POFUT3: variants seen among roughly 807,000 people sequenced by gnomAD.
POFUT3 encodes GDP-fucose protein O-fucosyltransferase 3.
chr8:33,433,798 C>A, the POFUT3 span, among the ~76,000 whole-genome samples: 8 of 148,968 alleles, frequency 5.4e-5, no homozygotes, highest in South Asian at 2.1e-4. Context: ...AAAAAAAAAA[C>A]AAAAAACTAA....
the POFUT3 span, among the ~76,000 whole-genome samples, chr8:33,400,234 C>A: frequency 6.6e-6 from 1 of 151,046 alleles, no homozygotes; most frequent in Non-Finnish European, 1.5e-5. Context: ...GGCAGATCAC[C>A]TGAGGCCAGG....
chr8:33,385,857 T>C, the POFUT3 span, among the ~76,000 whole-genome samples: 1 of 151,914 alleles, frequency 6.6e-6, no homozygotes, highest in African/African-American at 2.4e-5. Flanking sequence ...TACTTTACGT[T>C]GTGCCATATA....
chr8:33,418,845 C>T, the POFUT3 span, among the ~76,000 whole-genome samples: 1 of 152,056 alleles, frequency 6.6e-6, no homozygotes, highest in South Asian at 2.1e-4. Context: ...AATGGATGAC[C>T]AGATAAAGCA....
chr8:33,320,979 A>G, the POFUT3 span, among the ~76,000 whole-genome samples: 2 of 152,184 alleles, frequency 1.3e-5, no homozygotes, highest in African/African-American at 4.8e-5. Context: ...TTGGAACGCC[A>G]TTTTTAGACG....
the POFUT3 span, among the ~76,000 whole-genome samples, chr8:33,353,630 T>C: frequency 1.3e-5 from 2 of 152,092 alleles, no homozygotes; most frequent in Middle Eastern, 3.2e-3. Context: ...TGTGAGGACA[T>C]GGGGAATGTG....
At chr8:33,318,838 TTATATA>T in the POFUT3 span, among the ~76,000 whole-genome samples, 1 of 57,818 alleles carries the variant, frequency 1.7e-5, no homozygotes, top group South Asian at 9.8e-4. Context: ...TTATATATAT[TTATATA>T]ATATATAAAT....
the POFUT3 span, among the ~76,000 whole-genome samples, chr8:33,326,574 T>C: frequency 1.2e-4 from 18 of 152,286 alleles, no homozygotes; most frequent in Middle Eastern, 0.01. Flanking sequence ...GCTCAGGAGC[T>C]CGGGGTATTT....
At chr8:33,374,334 C>A in the POFUT3 span, among the ~76,000 whole-genome samples, 3 of 152,138 alleles carry the variant, frequency 2.0e-5, no homozygotes. Context: ...TCCCCATAAT[C>A]CATAACCCAA....
the POFUT3 span, among the ~76,000 whole-genome samples, chr8:33,431,966 G>A: frequency 6.6e-6 from 1 of 152,094 alleles, no homozygotes; most frequent in Non-Finnish European, 1.5e-5. Context: ...TATCTCCTGG[G>A]AAGCTTCATA....
the POFUT3 span, among the ~76,000 whole-genome samples, chr8:33,418,233 C>G: frequency 6.6e-6 from 1 of 152,172 alleles, no homozygotes. Flanking sequence ...AATGATCCCA[C>G]TGGCCCCACA....
the POFUT3 span, among the ~76,000 whole-genome samples, chr8:33,412,410 G>A: frequency 6.6e-6 from 1 of 152,140 alleles, no homozygotes; most frequent in Non-Finnish European, 1.5e-5. Context: ...CGCCACCAAG[G>A]AGGCAAGATC....
At chr8:33,333,727 A>G in the POFUT3 span, among the ~76,000 whole-genome samples, 1 of 152,158 alleles carries the variant, frequency 6.6e-6, no homozygotes, top group Non-Finnish European at 1.5e-5. Context: ...AAGCAAGATG[A>G]CACTGGACCC....
At chr8:33,328,349 C>CT in the POFUT3 span, among the ~76,000 whole-genome samples, 1 of 151,526 alleles carries the variant, frequency 6.6e-6, no homozygotes, top group Non-Finnish European at 1.5e-5. Context: ...TTTACTCCTG[C>CT]TTTTTCTGTA....
At chr8:33,332,459 T>G in the POFUT3 span, among the ~76,000 whole-genome samples, 6 of 129,380 alleles carry the variant, frequency 4.6e-5, no homozygotes, top group Non-Finnish European at 1.6e-5. Flanking sequence ...CAGTCAAGCC[T>G]GGGCAACAGA....
the POFUT3 span, among the ~76,000 whole-genome samples, chr8:33,446,397 C>T: frequency 6.7e-6 from 1 of 148,578 alleles, no homozygotes; most frequent in Non-Finnish European, 1.5e-5. Context: ...GCAGCAGTTG[C>T]AATGAGTCGA....
At chr8:33,352,497 A>G in the POFUT3 span, among the ~76,000 whole-genome samples, 1 of 151,620 alleles carries the variant, frequency 6.6e-6, no homozygotes, top group Non-Finnish European at 1.5e-5. Flanking sequence ...TATCAAGCCA[A>G]GTATCCCATT....
the POFUT3 span, among the ~76,000 whole-genome samples, chr8:33,359,533 G>GTCT: frequency 1.4e-4 from 21 of 152,204 alleles, no homozygotes; most frequent in African/African-American, 5.1e-4. Context: ...GTTCCAGCTA[G>GTCT]AGTTCAGATC....
the POFUT3 span, among the ~76,000 whole-genome samples, chr8:33,415,575 C>A: frequency 6.6e-6 from 1 of 152,228 alleles, no homozygotes; most frequent in East Asian, 1.9e-4. Context: ...CAATACACTC[C>A]CAGCCAGGTG....
At chr8:33,349,732 T>G in the POFUT3 span, among the ~76,000 whole-genome samples, 1 of 152,256 alleles carries the variant, frequency 6.6e-6, no homozygotes, top group African/African-American at 2.4e-5. Flanking sequence ...TGAATTGTTC[T>G]GCCATAAACA....
Sources: allele counts gnomAD v4.1 joint callset (sites outside exome capture counted in the v4.1 genomes callset), GRCh38; gene constraint gnomAD v4.1.1; transcripts MANE v1.5; gene names NCBI Gene and HGNC (gene_info 2026-07-23, HGNC 2026-07-21).